Variants in CAMTA1 observed in about 807,000 individuals in gnomAD.
CAMTA1 encodes calmodulin binding transcription activator 1, also known as calmodulin-binding transcription activator 1.
Under a neutral mutation model 170.9 loss-of-function variants are expected in CAMTA1, and 27 were observed. The ratio of observed to expected loss-of-function variants is 0.16; its 90% CI spans 0.12 to 0.22. CAMTA1 has a LOEUF of 0.22. Among genes scored for constraint, CAMTA1 ranks in the 10% least tolerant of loss-of-function variants. The pLI, the probability that CAMTA1 is intolerant of heterozygous loss-of-function variation, is 1.00. For synonymous variants in CAMTA1, 833 were observed against 891.5 expected (o/e 0.93, Z 1.17); for missense variants, 1,619 against 2,217.2 (o/e 0.73, Z 5.42).
intron 6 of CAMTA1, among the ~76,000 whole-genome samples, chr1:7,569,598 T>C (rs557839655): frequency 1.1e-3 from 170 of 150,448 alleles, no homozygotes; most frequent in African/African-American, 3.4e-3. Flanking sequence ...TCATCATCAG[T>C]GTCATCACCA....
intron 7 of CAMTA1, among the ~76,000 whole-genome samples, chr1:7,657,961 A>C (rs980545016): frequency 4.0e-4 from 61 of 152,352 alleles, no homozygotes; most frequent in Admixed American, 4.0e-3. Context: ...CACCCCCATC[A>C]GGACTGGAGG....
intron 12 of CAMTA1, among the ~76,000 whole-genome samples, chr1:7,735,842 G>A (rs1158335783): frequency 1.3e-5 from 2 of 152,116 alleles, no homozygotes; most frequent in Non-Finnish European, 2.9e-5. Context: ...CGCGATCACA[G>A]CTCACTGTAG....
At chr1:7,045,037 A>G (rs552615893) in intron 3 of CAMTA1, among the ~76,000 whole-genome samples, 3 of 152,196 alleles carry the variant, frequency 2.0e-5, no homozygotes, top group Non-Finnish European at 4.4e-5. Context: ...CTGGTGAAGT[A>G]TAGCTTGTAC....
intron 3 of CAMTA1, among the ~76,000 whole-genome samples, chr1:6,907,390 TC>T (rs2149251679): frequency 6.6e-6 from 1 of 152,084 alleles, no homozygotes; most frequent in East Asian, 1.9e-4. Flanking sequence ...CCCCCCGCTG[TC>T]CCGTGTTTCT....
intron 3 of CAMTA1, among the ~76,000 whole-genome samples, chr1:6,835,924 AT>A (rs1652880529): frequency 6.6e-6 from 1 of 152,144 alleles, no homozygotes; most frequent in Admixed American, 6.5e-5. Context: ...GCATATTCTA[AT>A]TTTTCAATGT....
chr1:7,271,477 G>A (rs1669785796), intron 5 of CAMTA1, among the ~76,000 whole-genome samples: 1 of 151,784 alleles, frequency 6.6e-6, no homozygotes, highest in Non-Finnish European at 1.5e-5. Flanking sequence ...AATTGAGAAT[G>A]GAAAACAATA....
chr1:6,819,855 C>T (rs1646283137), intron 1 of CAMTA1, among the ~76,000 whole-genome samples: 1 of 152,242 alleles, frequency 6.6e-6, no homozygotes, highest in Non-Finnish European at 1.5e-5. Context: ...CATTCCTACT[C>T]TCCAGTCCTA....
chr1:7,611,285 A>C (rs970037467), intron 6 of CAMTA1, among the ~76,000 whole-genome samples: 2 of 152,148 alleles, frequency 1.3e-5, no homozygotes, highest in Non-Finnish European at 2.9e-5. Context: ...TTTTCACAAC[A>C]GTTCCAACTT....
chr1:6,844,499 A>G (rs1557681156), intron 3 of CAMTA1, among the ~76,000 whole-genome samples: 1 of 118,190 alleles, frequency 8.5e-6, no homozygotes, highest in Non-Finnish European at 1.7e-5. Flanking sequence ...TGACAAAACC[A>G]TTGCATTACA....
chr1:7,212,527 TTTAAA>T (rs1658964379), intron 4 of CAMTA1, among the ~76,000 whole-genome samples: 1 of 152,372 alleles, frequency 6.6e-6, no homozygotes, highest in Non-Finnish European at 1.5e-5. Flanking sequence ...ATTGCATTTT[TTTAAA>T]TTAAACTTTC....
intron 3 of CAMTA1, among the ~76,000 whole-genome samples, chr1:6,827,508 A>ATT (rs1431208045): frequency 0.015 from 2,213 of 152,028 alleles, 48 homozygotes; most frequent in African/African-American, 0.05. Flanking sequence ...AATTCTGCAG[A>ATT]ATGTTATGTG....
chr1:7,203,086 C>A (rs971289957), intron 4 of CAMTA1, among the ~76,000 whole-genome samples: 2 of 152,108 alleles, frequency 1.3e-5, no homozygotes, highest in African/African-American at 2.4e-5. Flanking sequence ...TAGTCAAATT[C>A]TTTTTCAGCG....
chr1:7,647,277 A>G (rs2095814030), intron 7 of CAMTA1, among the ~76,000 whole-genome samples: 1 of 89,682 alleles, frequency 1.1e-5, no homozygotes, highest in Non-Finnish European at 2.6e-5. Flanking sequence ...AAAGATCCAG[A>G]AGGGGGGGGG....
Position 6,931,245 on chromosome 1 carries a change from C to CTAGCTTATTTGGG in CAMTA1, c.234+106038_234+106050dup, listed in dbSNP as rs1553189690. ...GTAAATGCAGAAGCTATTTAGCATTCTAGCTTATTTGGGTATTTTTATTTA... is the reference window on the plus strand; with the variant it reads ...GTAAATGCAGAAGCTATTTAGCATTCTAGCTTATTTGGGTAGCTTATTTGGGTATTTTTATTTA... On this transcript the variant is annotated intron_variant, in intron 3 of 22. Coordinates refer to ENST00000303635, the MANE Select transcript of CAMTA1 (RefSeq NM_015215.4). Among the ~76,000 whole-genome samples the CTAGCTTATTTGGG allele has an allele frequency of 2.0e-5, 3 of 152,236 alleles. No homozygotes were observed. In the East Asian group the frequency reaches 5.8e-4, roughly 29 times the overall value.
At chr1:7,506,813 TCA>T (rs1168838692) in intron 6 of CAMTA1, among the ~76,000 whole-genome samples, 1 of 151,444 alleles carries the variant, frequency 6.6e-6, no homozygotes, top group African/African-American at 2.4e-5. Flanking sequence ...ATTAACATGC[TCA>T]CACAGAACTA....
chr1:6,943,035 C>T (rs962675755), intron 3 of CAMTA1, among the ~76,000 whole-genome samples: 3 of 152,126 alleles, frequency 2.0e-5, no homozygotes, highest in African/African-American at 7.2e-5. Flanking sequence ...TCCTGGGCAA[C>T]GTGCTGACCA....
chr1:7,653,380 C>T (rs368512210), intron 7 of CAMTA1, among the ~76,000 whole-genome samples: 5 of 152,194 alleles, frequency 3.3e-5, no homozygotes, highest in East Asian at 3.9e-4. Context: ...CTCCTGCCTC[C>T]GCCTCCCATG....
At chr1:7,489,806 C>A (rs2093675681) in intron 6 of CAMTA1, among the ~76,000 whole-genome samples, 1 of 152,220 alleles carries the variant, frequency 6.6e-6, no homozygotes, top group Admixed American at 6.5e-5. Flanking sequence ...ATGCCAGGGG[C>A]CTTCGGCCAG....
intron 3 of CAMTA1, among the ~76,000 whole-genome samples, chr1:7,005,651 A>C (rs2100695985): frequency 6.6e-6 from 1 of 152,306 alleles, no homozygotes; most frequent in East Asian, 1.9e-4. Flanking sequence ...TACACAAGGA[A>C]GTATGGGATA....
Sources: gnomAD v4.1 joint callset for allele counts (sites outside exome capture counted in the v4.1 genomes callset) on GRCh38, gnomAD v4.1.1 for gene constraint, MANE v1.5 for transcripts, NCBI Gene and HGNC (gene_info 2026-07-23, HGNC 2026-07-21) for gene names.